Variants in ATP11A observed in about 807,000 individuals in gnomAD.
ATP11A encodes the protein ATPase phospholipid transporting 11A, also known as phospholipid-transporting ATPase IH.
Under a neutral mutation model 154.4 loss-of-function variants are expected in ATP11A, and 81 were observed. That is an observed-to-expected ratio of 0.52 (90% CI 0.44 to 0.63). The LOEUF (loss-of-function observed/expected upper bound fraction) is 0.63. Ranked by LOEUF, ATP11A falls within the 30% of genes least tolerant of loss-of-function variation. The pLI, the probability that ATP11A is intolerant of heterozygous loss-of-function variation, is 0.00. For missense variants in ATP11A, 1,316 were observed against 1,474.3 expected (o/e 0.89, Z 1.76); for synonymous variants, 623 against 585.9 (o/e 1.06, Z -0.91).
intron 17 of ATP11A, among the ~76,000 whole-genome samples, chr13:112,847,699 A>C (rs1163321341): frequency 6.6e-6 from 1 of 152,192 alleles, no homozygotes; most frequent in Non-Finnish European, 1.5e-5. Flanking sequence ...TGAGTCTTTC[A>C]ACTTTGTTCT....
chr13:112,789,871 G>A (rs1394778231), intron 2 of ATP11A, among the ~76,000 whole-genome samples: 7 of 145,198 alleles, frequency 4.8e-5, no homozygotes, highest in African/African-American at 7.7e-5. Flanking sequence ...AATTCACACC[G>A]GTGTCCTGAT....
intron 1 of ATP11A, among the ~76,000 whole-genome samples, chr13:112,701,181 C>G (rs1025369867): frequency 6.6e-6 from 1 of 152,186 alleles, no homozygotes; most frequent in African/African-American, 2.4e-5. Context: ...CATGATTTCT[C>G]CATGTCCCCT....
At chr13:112,694,546 C>T (rs1227377667) in intron 1 of ATP11A, among the ~76,000 whole-genome samples, 1 of 152,146 alleles carries the variant, frequency 6.6e-6, no homozygotes, top group African/African-American at 2.4e-5. Context: ...GCTGAGCATC[C>T]CGGCGTGGGC....
intron 1 of ATP11A, among the ~76,000 whole-genome samples, chr13:112,695,775 T>G (rs1310898081): frequency 6.6e-6 from 1 of 152,268 alleles, no homozygotes; most frequent in Non-Finnish European, 1.5e-5. Context: ...TCTCTGGTGC[T>G]TGGAGCATAT....
chr13:112,784,724 C>T (rs561983802), intron 1 of ATP11A, among the ~76,000 whole-genome samples: 10 of 152,138 alleles, frequency 6.6e-5, no homozygotes, highest in African/African-American at 9.7e-5. Flanking sequence ...GGGGTTTCAC[C>T]GTGTTAGCCA....
intron 2 of ATP11A, among the ~76,000 whole-genome samples, chr13:112,796,423 A>G (rs2140098822): frequency 6.6e-6 from 1 of 152,338 alleles, no homozygotes; most frequent in South Asian, 2.1e-4. Context: ...CCACAGAGGC[A>G]CTTGTAAGTG....
intron 1 of ATP11A, among the ~76,000 whole-genome samples, chr13:112,727,639 A>G (rs282597): frequency 0.84 from 128,195 of 152,188 alleles, 54,120 homozygotes; most frequent in Middle Eastern, 0.97. Flanking sequence ...TGAGGTGTAG[A>G]GGCTCCACAC....
At position 112,767,544 on chromosome 13, in the gene ATP11A, A is replaced by G. The variant is rs554133094; in HGVS notation, c.40-17591A>G. On this transcript the variant is annotated intron_variant, in intron 1 of 29. Transcript: ENST00000375645. The stretch of plus-strand genomic sequence containing the variant: ...GGGCCCCTGTGGGAAGGTAGGGAGG[A>G]TGTGGGGGTGCTGTTGGGAGCCTGG... 6.0e-5 allele frequency among the ~76,000 whole-genome samples: 9 copies of G among 149,908 alleles called. No homozygotes were observed. The South Asian group carries it at 8.5e-4, about 14-fold the overall frequency.
chr13:112,844,681 C>A (rs78953964), intron 17 of ATP11A, among the ~76,000 whole-genome samples: 1,839 of 152,172 alleles, frequency 0.012, 46 homozygotes, highest in African/African-American at 0.042. Flanking sequence ...CAGCAGCACT[C>A]GTTCAGTTGC....
At chr13:112,862,815 G>C (rs1215376136) in intron 25 of ATP11A, among the ~76,000 whole-genome samples, 1 of 129,068 alleles carries the variant, frequency 7.7e-6, no homozygotes, top group African/African-American at 3.3e-5. Flanking sequence ...CACCACCTGC[G>C]CAGTAATTCA....
intron 1 of ATP11A, among the ~76,000 whole-genome samples, chr13:112,691,874 G>A (rs963414529): frequency 1.3e-5 from 2 of 152,200 alleles, no homozygotes; most frequent in East Asian, 3.9e-4. Context: ...TGATCTCGGG[G>A]AAGCCTTAGG....
chr13:112,801,737 A>G (rs904281533), intron 2 of ATP11A, among the ~76,000 whole-genome samples: 1 of 152,266 alleles, frequency 6.6e-6, no homozygotes, highest in African/African-American at 2.4e-5. Context: ...AGATATGTAC[A>G]AGGTCTAGGT....
At chr13:112,773,777 C>A (rs1404859942) in intron 1 of ATP11A, among the ~76,000 whole-genome samples, 3 of 152,264 alleles carry the variant, frequency 2.0e-5, no homozygotes, top group Admixed American at 1.3e-4. Flanking sequence ...TGCCAACGCC[C>A]CGCGTGTGTG....
chr13:112,832,766 C>G lies in ATP11A; in HGVS notation c.1396-94C>G, dbSNP rs546365476. On this transcript the variant is annotated intron_variant, in intron 13 of 29. Transcript: ENST00000375645. ...GCCTTCGTGGCCGCGGGGACCCCCC[C>G]CACCCCGCTTCTTGTTATCTCTCTG... is the stretch of plus-strand genomic sequence containing the variant. The G allele has an allele frequency of 3.5e-5, 52 of 1,489,096 alleles. 1 individual carries two copies. In the South Asian group the frequency reaches 4.8e-4, roughly 14 times the overall value. 92.2% of individuals were successfully genotyped at this position (1,489,096 alleles called of 1,614,324 possible). A position where few individuals can be genotyped will look rare whatever the true frequency, so the allele number is the denominator to read the frequency against.
intron 8 of ATP11A, among the ~76,000 whole-genome samples, chr13:112,822,116 G>A (rs886904220): frequency 6.6e-6 from 1 of 152,228 alleles, no homozygotes; most frequent in Non-Finnish European, 1.5e-5. Flanking sequence ...TAGAAGGACA[G>A]TAAATACAAT....
chr13:112,730,564 C>T (rs1288473731), intron 1 of ATP11A, among the ~76,000 whole-genome samples: 2 of 152,226 alleles, frequency 1.3e-5, no homozygotes, highest in African/African-American at 4.8e-5. Flanking sequence ...GGAAACTCCA[C>T]AGCGTGAGCA....
intron 5 of ATP11A, among the ~76,000 whole-genome samples, chr13:112,812,834 G>A (rs1317522118): frequency 6.6e-6 from 1 of 152,238 alleles, no homozygotes; most frequent in Non-Finnish European, 1.5e-5. Flanking sequence ...GATGGCCCTG[G>A]CCTGGGGAAC....
intron 24 of ATP11A, among the ~76,000 whole-genome samples, chr13:112,861,808 T>C (rs951022510): frequency 6.6e-6 from 1 of 152,114 alleles, no homozygotes; most frequent in Non-Finnish European, 1.5e-5. Flanking sequence ...GGAGAAGATA[T>C]ACTGTTCTAG....
At chr13:112,847,443 A>G (rs926490235) in intron 17 of ATP11A, among the ~76,000 whole-genome samples, 15 of 152,208 alleles carry the variant, frequency 9.9e-5, no homozygotes, top group African/African-American at 3.6e-4. Flanking sequence ...TGCATCTTTC[A>G]TAAAGTGAGG....
Sources: allele counts gnomAD v4.1 joint callset (sites outside exome capture counted in the v4.1 genomes callset), GRCh38; gene constraint gnomAD v4.1.1; transcripts MANE v1.5; gene names NCBI Gene and HGNC (gene_info 2026-07-23, HGNC 2026-07-21).